Variants in GRIK4 observed in about 807,000 individuals in gnomAD.
GRIK4 encodes glutamate ionotropic receptor kainate type subunit 4.
Under a neutral mutation model 104.9 loss-of-function variants are expected in GRIK4, and 40 were observed. The observed-to-expected ratio is 0.38, with a 90% confidence interval of 0.30 to 0.50. The LOEUF (loss-of-function observed/expected upper bound fraction) is 0.50, where lower values mean the gene tolerates loss of function less well. Among genes scored for constraint, GRIK4 ranks in the 20% least tolerant of loss-of-function variants. GRIK4 has a pLI of 0.93. For synonymous variants in GRIK4, 485 were observed against 524.9 expected (o/e 0.92, Z 1.04); for missense variants, 1,047 against 1,308.1 (o/e 0.80, Z 3.08).
intron 6 of GRIK4, among the ~76,000 whole-genome samples, chr11:120,824,618 C>G (rs1953210870): frequency 1.4e-5 from 2 of 140,702 alleles, no homozygotes; most frequent in African/African-American, 2.7e-5. Context: ...GGCGCAATCT[C>G]AGCTCACTGC....
intron 1 of GRIK4, among the ~76,000 whole-genome samples, chr11:120,633,384 C>CT (rs1333664042): frequency 6.6e-6 from 1 of 152,176 alleles, no homozygotes; most frequent in East Asian, 1.9e-4. Context: ...AAAGAGGACT[C>CT]TCTGCAGACG....
At chr11:120,821,222 T>C (rs988227145) in intron 6 of GRIK4, among the ~76,000 whole-genome samples, 1 of 152,220 alleles carries the variant, frequency 6.6e-6, no homozygotes, top group Non-Finnish European at 1.5e-5. Flanking sequence ...AAATGTGCAA[T>C]GTGGCCAGTC....
intron 3 of GRIK4, among the ~76,000 whole-genome samples, chr11:120,731,321 A>C (rs1461832295): frequency 6.6e-6 from 1 of 151,938 alleles, no homozygotes; most frequent in East Asian, 1.9e-4. Flanking sequence ...GCAACAATTG[A>C]AATGATCATA....
chr11:120,743,122 C>T (rs1020093717), intron 3 of GRIK4, among the ~76,000 whole-genome samples: 4 of 151,290 alleles, frequency 2.6e-5, no homozygotes, highest in South Asian at 2.1e-4. Flanking sequence ...CCCAGCTACT[C>T]GGGAGGCTGA....
intron 1 of GRIK4, among the ~76,000 whole-genome samples, chr11:120,599,265 A>G (rs547912935): frequency 1.3e-5 from 2 of 152,320 alleles, no homozygotes; most frequent in East Asian, 3.9e-4. Flanking sequence ...ACTAGTCATT[A>G]CCTTTCATGA....
chr11:120,605,318 T>C (rs1948945683), intron 1 of GRIK4, among the ~76,000 whole-genome samples: 1 of 152,242 alleles, frequency 6.6e-6, no homozygotes, highest in African/African-American at 2.4e-5. Context: ...TTGACACTGC[T>C]CTGCCCTTAC....
intron 7 of GRIK4, among the ~76,000 whole-genome samples, chr11:120,833,921 A>G (rs997434674): frequency 1.4e-4 from 21 of 152,232 alleles, no homozygotes; most frequent in African/African-American, 5.1e-4. Context: ...AAATATTTTA[A>G]TGGCTGCCTC....
intron 11 of GRIK4, among the ~76,000 whole-genome samples, chr11:120,890,971 T>G (rs1446143598): frequency 6.6e-6 from 1 of 152,250 alleles, no homozygotes; most frequent in Non-Finnish European, 1.5e-5. Flanking sequence ...TGAAATGTTA[T>G]AGTGCTGCGT....
chr11:120,623,453 AC>A (rs150720511), intron 1 of GRIK4, among the ~76,000 whole-genome samples: 2,824 of 152,022 alleles, frequency 0.019, 87 homozygotes, highest in African/African-American at 0.065. Context: ...TTTAGGTGTG[AC>A]CCCATCGGTC....
intron 16 of GRIK4, among the ~76,000 whole-genome samples, chr11:120,959,185 T>C (rs1944233169): frequency 1.3e-5 from 2 of 152,226 alleles, no homozygotes; most frequent in African/African-American, 4.8e-5. Context: ...ATTATCCCCA[T>C]ATATTTATTA....
chr11:120,950,962 G>A (rs1943986482), intron 14 of GRIK4, among the ~76,000 whole-genome samples: 1 of 152,158 alleles, frequency 6.6e-6, no homozygotes, highest in Admixed American at 6.5e-5. Context: ...AGTGTTGTAT[G>A]CAGACTGAGC....
At chr11:120,944,508 C>T (rs1943809620) in intron 14 of GRIK4, among the ~76,000 whole-genome samples, 1 of 152,188 alleles carries the variant, frequency 6.6e-6, no homozygotes. Context: ...AATTTCCATC[C>T]AGTAACCTGA....
At position 120,898,467 on chromosome 11, in the gene GRIK4, C is replaced by G. The variant is rs966908661; in HGVS notation, c.1165-65C>G. On this transcript the variant is annotated intron_variant, in intron 11 of 20. Coordinates refer to ENST00000527524, the MANE Select transcript of GRIK4 (RefSeq NM_014619.5). The stretch of plus-strand genomic sequence containing the variant: ...AGCCCAGCCAGAGGCAGAGGTCAGC[C>G]TCTTGGCTCCTTCCAGCTCTGGAGG... 106 of 911,796 alleles carry G rather than the reference C, an allele frequency of 1.2e-4. 1 individual carries two copies. Among genetic ancestry groups the G allele is most frequent in the Non-Finnish European group, 1.3e-5 (7 of 548,792 alleles). The allele number at this position is 911,796 out of a possible 1,614,324, so 56.5% of individuals were successfully genotyped here. A position where few individuals can be genotyped will look rare whatever the true frequency, so the allele number is the denominator to read the frequency against.
At chr11:120,696,706 C>T (rs1233341256) in intron 3 of GRIK4, among the ~76,000 whole-genome samples, 1 of 152,014 alleles carries the variant, frequency 6.6e-6, no homozygotes, top group Non-Finnish European at 1.5e-5. Context: ...GAGGGTCTGG[C>T]CAAGGCAGCG....
At chr11:120,702,769 T>C (rs1206668243) in intron 3 of GRIK4, among the ~76,000 whole-genome samples, 1 of 152,218 alleles carries the variant, frequency 6.6e-6, no homozygotes, top group African/African-American at 2.4e-5. Flanking sequence ...ACTTTGTTTT[T>C]AATGCTCCAC....
chr11:120,979,479 C>A (rs918552821), intron 19 of GRIK4, among the ~76,000 whole-genome samples: 5 of 152,058 alleles, frequency 3.3e-5, no homozygotes, highest in African/African-American at 1.2e-4. Flanking sequence ...GAGATGGCTC[C>A]TCCAAATGTA....
chr11:120,866,833 C>G (rs1267531794), intron 9 of GRIK4, among the ~76,000 whole-genome samples: 33 of 152,212 alleles, frequency 2.2e-4, no homozygotes, highest in Admixed American at 2.2e-3. Context: ...TTCTTTCTTG[C>G]TGAGGACGGC....
intron 1 of GRIK4, among the ~76,000 whole-genome samples, chr11:120,563,229 T>A (rs940146220): frequency 3.3e-5 from 5 of 152,108 alleles, no homozygotes. Flanking sequence ...GCTTGGCCGG[T>A]AAGCACTGTG....
intron 8 of GRIK4, among the ~76,000 whole-genome samples, chr11:120,839,603 A>G (rs371905938): frequency 4.7e-4 from 72 of 152,340 alleles, no homozygotes; most frequent in African/African-American, 1.7e-3. Flanking sequence ...CCAGCCATGC[A>G]TGACCTGTGA....
Sources: allele counts gnomAD v4.1 joint callset (sites outside exome capture counted in the v4.1 genomes callset), GRCh38; gene constraint gnomAD v4.1.1; transcripts MANE v1.5; gene names NCBI Gene and HGNC (gene_info 2026-07-23, HGNC 2026-07-21).